NRG3: variants seen among roughly 807,000 people sequenced by gnomAD.
NRG3 encodes pro-neuregulin-3, membrane-bound isoform.
In NRG3, 31 loss-of-function variants were observed where a neutral mutation model predicts 66.9. That is an observed-to-expected ratio of 0.46 (90% CI 0.35 to 0.63). NRG3 has a LOEUF of 0.63. Ranked by LOEUF, NRG3 falls within the 20% of genes least tolerant of loss-of-function variation. The pLI is 0.00. For synonymous variants in NRG3, 393 were observed against 359.4 expected (o/e 1.09, Z -1.06); for missense variants, 910 against 878.9 (o/e 1.04, Z -0.45).
At chr10:82,323,227 A>G (rs1324854098) in intron 1 of NRG3, among the ~76,000 whole-genome samples, 1 of 152,200 alleles carries the variant, frequency 6.6e-6, no homozygotes, top group Non-Finnish European at 1.5e-5. Context: ...CACAATTGGC[A>G]TATCTACTTT....
chr10:82,900,273 G>C (rs1263839587), intron 4 of NRG3, among the ~76,000 whole-genome samples: 1 of 152,140 alleles, frequency 6.6e-6, no homozygotes, highest in African/African-American at 2.4e-5. Flanking sequence ...ATTTCAACAT[G>C]AGATTTGGGT....
chr10:82,001,293 AG>A (rs1321740298), intron 1 of NRG3, among the ~76,000 whole-genome samples: 1 of 152,080 alleles, frequency 6.6e-6, no homozygotes, highest in Non-Finnish European at 1.5e-5. Flanking sequence ...GCTCGAGGTC[AG>A]GAGTTTGAGA....
rs376907345 is a variant in NRG3, at chr10:82,235,037, A to C, written c.824-123702A>C. ...TTTTTGTGTGTGACATATCCTAATT[A>C]GGCTCAGTGTCTTCCTGCATTCCCA... On this transcript the variant is annotated intron_variant, in intron 1 of 8. Transcript: ENST00000372141. 3.9e-5 allele frequency among the ~76,000 whole-genome samples: 6 copies of C among 152,258 alleles called. No individual in the cohort carries two copies. In the East Asian group the frequency reaches 7.7e-4, roughly 20 times the overall value.
At chr10:82,708,370 A>ATGTGT (rs2056450169) in intron 2 of NRG3, among the ~76,000 whole-genome samples, 1 of 152,102 alleles carries the variant, frequency 6.6e-6, no homozygotes. Flanking sequence ...TGAGTAAATT[A>ATGTGT]TGTGTTGTGG....
chr10:82,984,685 G>A (rs778141649), intron 8 of NRG3: 61 of 1,252,330 alleles, frequency 4.9e-5, no homozygotes, highest in Middle Eastern at 3.8e-4. Flanking sequence ...GAGGGTGGTC[G>A]AGTTGATGGA....
At chr10:81,944,030 G>T (rs534388261) in intron 1 of NRG3, among the ~76,000 whole-genome samples, 2 of 152,338 alleles carry the variant, frequency 1.3e-5, no homozygotes, top group Admixed American at 6.5e-5. Context: ...CCATAGGACA[G>T]GAGAGGGAAG....
intron 7 of NRG3, among the ~76,000 whole-genome samples, chr10:82,977,855 G>T (rs1480122091): frequency 6.6e-6 from 1 of 152,116 alleles, no homozygotes; most frequent in Non-Finnish European, 1.5e-5. Context: ...ATTTATGGAA[G>T]AAAAGTGACA....
intron 5 of NRG3, among the ~76,000 whole-genome samples, chr10:82,952,046 G>A (rs1849562931): frequency 6.6e-6 from 1 of 152,162 alleles, no homozygotes; most frequent in African/African-American, 2.4e-5. Context: ...ATATACTTCA[G>A]TTTACCAGTT....
chr10:81,888,338 A>T (rs1056139249), intron 1 of NRG3, among the ~76,000 whole-genome samples: 2 of 152,150 alleles, frequency 1.3e-5, no homozygotes, highest in Non-Finnish European at 2.9e-5. Flanking sequence ...CACTTTTCAC[A>T]TATCTTAACA....
chr10:82,789,716 CTT>C (rs2060506614), intron 3 of NRG3, among the ~76,000 whole-genome samples: 1 of 152,064 alleles, frequency 6.6e-6, no homozygotes, highest in African/African-American at 2.4e-5. Flanking sequence ...ACTTCTGCCT[CTT>C]TGCTCTTTGT....
At chr10:82,818,646 A>G (rs564078289) in intron 3 of NRG3, among the ~76,000 whole-genome samples, 3 of 151,868 alleles carry the variant, frequency 2.0e-5, no homozygotes, top group Admixed American at 2.0e-4. Flanking sequence ...TCTTTGCATA[A>G]ATCTCTAAAT....
chr10:82,700,187 A>G (rs1008005235), intron 2 of NRG3, among the ~76,000 whole-genome samples: 24 of 152,162 alleles, frequency 1.6e-4, no homozygotes, highest in Admixed American at 3.3e-4. Context: ...CACACTAAAT[A>G]TGGATTCATC....
chr10:82,480,029 T>A (rs183304945), intron 2 of NRG3, among the ~76,000 whole-genome samples: 1 of 152,174 alleles, frequency 6.6e-6, no homozygotes, highest in Non-Finnish European at 1.5e-5. Flanking sequence ...ACGTGTTCTG[T>A]CCTGCCCTAA....
At chr10:82,447,316 G>A (rs1241862419) in intron 2 of NRG3, among the ~76,000 whole-genome samples, 2 of 152,254 alleles carry the variant, frequency 1.3e-5, no homozygotes, top group East Asian at 3.9e-4. Flanking sequence ...CAGGCACAGT[G>A]GCCCATGCCT....
At chr10:82,792,287 T>C (rs188484781) in intron 3 of NRG3, among the ~76,000 whole-genome samples, 10 of 152,324 alleles carry the variant, frequency 6.6e-5, no homozygotes, top group Admixed American at 1.3e-4. Flanking sequence ...GAAGTACTCT[T>C]CTTCATTGAT....
chr10:82,724,721 TG>T (rs1478016976), intron 2 of NRG3, among the ~76,000 whole-genome samples: 1 of 152,242 alleles, frequency 6.6e-6, no homozygotes, highest in Non-Finnish European at 1.5e-5. Context: ...GTGGACACTT[TG>T]CCCCCTTTTT....
At chr10:82,797,291 A>C (rs1294265837) in intron 3 of NRG3, among the ~76,000 whole-genome samples, 1 of 152,140 alleles carries the variant, frequency 6.6e-6, no homozygotes. Context: ...CACATCTTTC[A>C]GTTAACTTGG....
chr10:82,760,316 G>A (rs375050349), intron 3 of NRG3, among the ~76,000 whole-genome samples: 2 of 151,928 alleles, frequency 1.3e-5, no homozygotes, highest in Admixed American at 1.3e-4. Flanking sequence ...GATCTCACAG[G>A]AAAAATTACA....
At chr10:82,228,750 T>A (rs1764090) in intron 1 of NRG3, among the ~76,000 whole-genome samples, 1 of 152,244 alleles carries the variant, frequency 6.6e-6, no homozygotes, top group South Asian at 2.1e-4. Flanking sequence ...GGCCAAATAC[T>A]GGAAGAAAGG....
Sources: allele counts gnomAD v4.1 joint callset (sites outside exome capture counted in the v4.1 genomes callset), GRCh38; gene constraint gnomAD v4.1.1; transcripts MANE v1.5; gene names NCBI Gene and HGNC (gene_info 2026-07-23, HGNC 2026-07-21).